SLIT2: variants seen among roughly 807,000 people sequenced by gnomAD.
SLIT2 encodes the protein slit homolog 2 protein.
Under a neutral mutation model 185.7 loss-of-function variants are expected in SLIT2, and 41 were observed. The observed-to-expected ratio is 0.22, with a 90% CI of 0.17 to 0.29. SLIT2 has a LOEUF of 0.29. SLIT2 is among the 10% of genes least tolerant of loss of function. The pLI is 1.00. For synonymous variants in SLIT2, 693 were observed against 680.2 expected (o/e 1.02, Z -0.29); for missense variants, 1,571 against 1,909.0 (o/e 0.82, Z 3.30).
At chr4:20,603,088 A>C (rs1187097043) in intron 33 of SLIT2, among the ~76,000 whole-genome samples, 1 of 152,210 alleles carries the variant, frequency 6.6e-6, no homozygotes, top group Non-Finnish European at 1.5e-5. Context: ...GTAATTTATA[A>C]AGAAAAAGAG....
At chr4:20,573,397 C>T in intron 29 of SLIT2, 1 of 670,662 alleles carries the variant, frequency 1.5e-6, no homozygotes, top group Middle Eastern at 3.0e-4. Flanking sequence ...TATGCCAAAT[C>T]AGTCATTCAG....
Position 20,491,872 on chromosome 4 carries a change from C to T in SLIT2, c.887C>T (p.Thr296Ile). 6.2e-7 allele frequency: 1 copy of T among 1,613,820 alleles called. No individual in the cohort carries two copies. The highest frequency in any genetic ancestry group is 8.5e-7 in the Non-Finnish European group (1 of 1,179,830). The change falls in exon 9 of 37, where the codon ACA (threonine) becomes ATA (isoleucine). Residue 296 changes from threonine to isoleucine, a missense_variant. Thr to Ile is a moderately conservative substitution (Grantham distance 89, BLOSUM62 -1). Transcript: ENST00000504154. ...CRGKGLTEIP[T>I]NLPETITEIR... is the part of the protein sequence containing the mutation. The stretch of plus-strand genomic sequence containing the variant: ...GGGAAAGGTCTCACTGAGATCCCCA[C>T]AAATCTTCCAGAGACCATCACAGAA...
chr4:20,547,437 T>C (rs1036062411), intron 22 of SLIT2, among the ~76,000 whole-genome samples: 1 of 152,080 alleles, frequency 6.6e-6, no homozygotes, highest in Non-Finnish European at 1.5e-5. Flanking sequence ...TTACTTCTGC[T>C]AATACAGATA....
chr4:20,252,512 G>C lies in SLIT2; in HGVS notation c.-1304G>C, dbSNP rs367555985. ...CAGGGGTACCGCCACTGTGGCCTTG[G>C]GGGACGGAATTCAAAGCCTGGGAAA... On this transcript the variant is annotated 5_prime_UTR_variant, in exon 1 of 37. Transcript: ENST00000504154. Among the ~76,000 whole-genome samples the C allele has an allele frequency of 1.0e-3, 157 of 152,246 alleles. 2 individuals are homozygous for C. The South Asian group carries it at 0.031, about 30-fold the overall frequency.
chr4:20,277,156 A>G lies in SLIT2; in HGVS notation c.395+8275A>G, dbSNP rs570277053. Among the ~76,000 whole-genome samples, 6 of 152,250 alleles carry G rather than the reference A, an allele frequency of 3.9e-5. No homozygotes were observed. The South Asian group carries it at 1.2e-3, about 32-fold the overall frequency. On this transcript the variant is annotated intron_variant, in intron 4 of 36. Transcript: ENST00000504154. Reference sequence around the variant, plus strand: ...ATAGGCTGTGCTGTCAGGAGATGAAAATGTTGTGTTTACATTTCAGTGTTA... The same window carrying G: ...ATAGGCTGTGCTGTCAGGAGATGAAGATGTTGTGTTTACATTTCAGTGTTA...
chr4:20,472,239 T>C (rs1354375184), intron 5 of SLIT2, among the ~76,000 whole-genome samples: 1 of 43,412 alleles, frequency 2.3e-5, no homozygotes, highest in Non-Finnish European at 4.3e-5. Context: ...TATATAGATC[T>C]ATATATCTAT....
Position 20,528,866 on chromosome 4 carries a change from A to G in SLIT2, c.1463-83A>G, listed in dbSNP as rs1382188694. 4 of 1,105,364 alleles carry G rather than the reference A, an allele frequency of 3.6e-6. No homozygotes were observed. In the Admixed American group the frequency reaches 8.5e-5, roughly 23 times the overall value. The allele number at this position is 1,105,364 out of a possible 1,614,324, so 68.5% of individuals were successfully genotyped here. On this transcript the variant is annotated intron_variant, in intron 15 of 36. Coordinates refer to ENST00000504154, the MANE Select transcript of SLIT2 (RefSeq NM_004787.4). The surrounding 1 kb of genome is among the most constrained non-coding windows in gnomAD (Gnocchi z 4.2). Reference sequence around the variant, plus strand: ...TCTCCCTGCTACATAATCTATAGTTATCTTACTTTTTTCTTCCTACAAACT... The same window carrying G: ...TCTCCCTGCTACATAATCTATAGTTGTCTTACTTTTTTCTTCCTACAAACT...
chr4:20,598,027 A>G (rs1324691341), intron 32 of SLIT2, among the ~76,000 whole-genome samples: 1 of 152,182 alleles, frequency 6.6e-6, no homozygotes, highest in East Asian at 1.9e-4. Flanking sequence ...AGCACATCCA[A>G]CATGTTTACT....
chr4:20,520,112 T>C (rs901398349), intron 12 of SLIT2, among the ~76,000 whole-genome samples: 4 of 148,806 alleles, frequency 2.7e-5, no homozygotes, highest in Non-Finnish European at 5.9e-5. Flanking sequence ...GGAGCGACAG[T>C]GCTGCAATAA....
At position 20,564,204 on chromosome 4, in the gene SLIT2, G is replaced by A. The variant is rs143835614; in HGVS notation, c.2726-3058G>A. Among the ~76,000 whole-genome samples the A allele has an allele frequency of 7.2e-5, 11 of 151,910 alleles. No individual in the cohort carries two copies. The East Asian group carries it at 1.7e-3, about 24-fold the overall frequency. ...AGGAGAGGTGCTCTGAGAAAGTGTA[G>A]TGGATAGAAAATGAATCACAAGTTG... On this transcript the variant is annotated intron_variant, in intron 26 of 36. Coordinates refer to ENST00000504154, the MANE Select transcript of SLIT2 (RefSeq NM_004787.4).
chr4:20,430,850 C>A (rs1728917077), intron 4 of SLIT2, among the ~76,000 whole-genome samples: 1 of 152,194 alleles, frequency 6.6e-6, no homozygotes, highest in South Asian at 2.1e-4. Context: ...ATACACACTT[C>A]CTTTTTACCA....
At chr4:20,548,026 C>T (rs1351059276) in intron 22 of SLIT2, among the ~76,000 whole-genome samples, 1 of 151,992 alleles carries the variant, frequency 6.6e-6, no homozygotes, top group Non-Finnish European at 1.5e-5. Flanking sequence ...TATCAGTGAA[C>T]ATATGTATCA....
At chr4:20,455,141 A>G (rs999850326) in intron 4 of SLIT2, among the ~76,000 whole-genome samples, 2 of 152,106 alleles carry the variant, frequency 1.3e-5, no homozygotes, top group African/African-American at 4.8e-5. Flanking sequence ...ATACATCAAT[A>G]CCCATTTTGA....
At chr4:20,555,473 T>C (rs1393103690) in intron 26 of SLIT2, among the ~76,000 whole-genome samples, 1 of 152,044 alleles carries the variant, frequency 6.6e-6, no homozygotes, top group African/African-American at 2.4e-5. Context: ...ATGGTTACAG[T>C]CTGAAAGGAT....
chr4:20,607,396 T>C (rs926133855), intron 33 of SLIT2, among the ~76,000 whole-genome samples: 2 of 152,176 alleles, frequency 1.3e-5, no homozygotes, highest in African/African-American at 4.8e-5. Flanking sequence ...TAAAAACAAT[T>C]GATATATGTT....
At chr4:20,535,476 C>G (rs147352892) in intron 18 of SLIT2, among the ~76,000 whole-genome samples, 1,658 of 152,118 alleles carry the variant, frequency 0.011, 16 homozygotes, top group South Asian at 0.02. Flanking sequence ...ATACTGGAAC[C>G]TTCTCCTGGC....
intron 4 of SLIT2, among the ~76,000 whole-genome samples, chr4:20,402,004 G>T (rs1726401616): frequency 6.6e-6 from 1 of 151,582 alleles, no homozygotes; most frequent in African/African-American, 2.4e-5. Context: ...GGCGATCCTT[G>T]AATACGTATT....
At chr4:20,255,497 C>A (rs1399288136) in intron 1 of SLIT2, among the ~76,000 whole-genome samples, 1 of 152,120 alleles carries the variant, frequency 6.6e-6, no homozygotes, top group African/African-American at 2.4e-5. Context: ...AATAGCCCAA[C>A]AATTTTAGGA....
At chr4:20,310,979 G>A (rs1019188723) in intron 4 of SLIT2, among the ~76,000 whole-genome samples, 2 of 152,068 alleles carry the variant, frequency 1.3e-5, no homozygotes, top group African/African-American at 4.8e-5. Context: ...TAAACTCTTG[G>A]GCTCAAGTGA....
Sources: allele counts gnomAD v4.1 joint callset (sites outside exome capture counted in the v4.1 genomes callset), GRCh38; gene constraint gnomAD v4.1.1; non-coding constraint Gnocchi (gnomAD v3.1); transcripts MANE v1.5; gene names NCBI Gene and HGNC (gene_info 2026-07-23, HGNC 2026-07-21).